The following SLC4A4 variants were observed in gnomAD, a reference collection of about 807,000 sequenced individuals.
The protein encoded by SLC4A4 is solute carrier family 4 member 4, also known as electrogenic sodium bicarbonate cotransporter 1.
SLC4A4 carries 27 observed loss-of-function variants against 111.5 expected under a neutral mutation model. That is an observed-to-expected ratio of 0.24 (90% CI 0.18 to 0.33). SLC4A4 has a LOEUF of 0.33. Ranked by LOEUF, SLC4A4 falls within the 10% of genes least tolerant of loss-of-function variation. SLC4A4 has a pLI of 1.00. For missense variants in SLC4A4, 909 were observed against 1,315.5 expected (o/e 0.69, Z 4.78); for synonymous variants, 443 against 463.4 (o/e 0.96, Z 0.57).
chr4:71,243,611 T>C (rs1285333432), intron 2 of SLC4A4, among the ~76,000 whole-genome samples: 2 of 152,084 alleles, frequency 1.3e-5, no homozygotes, highest in Non-Finnish European at 2.9e-5. Context: ...TCACGGGAGG[T>C]TCCAACATTC....
At chr4:71,478,421 T>C (rs1578000391) in intron 14 of SLC4A4, among the ~76,000 whole-genome samples, 1 of 151,956 alleles carries the variant, frequency 6.6e-6, no homozygotes, top group Non-Finnish European at 1.5e-5. Flanking sequence ...TGGAATACTA[T>C]GCAGCCATAA....
chr4:71,322,223 T>C (rs891788456), intron 3 of SLC4A4, among the ~76,000 whole-genome samples: 1 of 151,958 alleles, frequency 6.6e-6, no homozygotes, highest in African/African-American at 2.4e-5. Context: ...TTAAAAGAAA[T>C]TGTATTTTTA....
rs187727460 is a variant in SLC4A4 at position 71,448,400 on chromosome 4, G to A, written c.1053+667G>A. Among the ~76,000 whole-genome samples, 29 of 151,652 alleles carry A rather than the reference G, an allele frequency of 1.9e-4. No individual in the cohort carries two copies. In the East Asian group the frequency reaches 5.4e-3, roughly 28 times the overall value. ...TTGAAGTTTTAATACACTAATTCTG[G>A]GAATTCAAATGTCTATATTCTATAT... On this transcript the variant is annotated intron_variant, in intron 9 of 25. Transcript: ENST00000264485.
intron 7 of SLC4A4, among the ~76,000 whole-genome samples, chr4:71,425,583 C>T (rs970905561): frequency 6.6e-5 from 10 of 152,048 alleles, no homozygotes; most frequent in African/African-American, 1.7e-4. Flanking sequence ...GCAAGGTGGT[C>T]GGCTACAGCT....
chr4:71,398,745 A>T (rs1720077321), intron 7 of SLC4A4, among the ~76,000 whole-genome samples: 1 of 152,230 alleles, frequency 6.6e-6, no homozygotes, highest in African/African-American at 2.4e-5. Flanking sequence ...TAGTTGTGTG[A>T]TGATGGACAC....
intron 2 of SLC4A4, among the ~76,000 whole-genome samples, chr4:71,155,551 C>A (rs571176538): frequency 6.6e-6 from 1 of 152,134 alleles, no homozygotes; most frequent in Non-Finnish European, 1.5e-5. Flanking sequence ...CAGCCTTGAA[C>A]TCCTGGGTTC....
At chr4:71,190,428 AC>A (rs1745679092) in intron 1 of SLC4A4, among the ~76,000 whole-genome samples, 3 of 138,264 alleles carry the variant, frequency 2.2e-5, no homozygotes, top group South Asian at 4.8e-4. Flanking sequence ...ACACACACAC[AC>A]AGACACAACT....
chr4:71,507,501 A>G (rs1731525649), intron 16 of SLC4A4, among the ~76,000 whole-genome samples: 1 of 152,176 alleles, frequency 6.6e-6, no homozygotes, highest in Non-Finnish European at 1.5e-5. Context: ...GACAAAAGGT[A>G]TTACATAATG....
chr4:71,565,924 G>A (rs1269062465), intron 24 of SLC4A4, among the ~76,000 whole-genome samples: 1 of 151,814 alleles, frequency 6.6e-6, no homozygotes, highest in Non-Finnish European at 1.5e-5. Flanking sequence ...TGATAAAAGA[G>A]AAAGAAACCA....
chr4:71,246,864 G>T (rs1368130534), intron 2 of SLC4A4, among the ~76,000 whole-genome samples: 1 of 152,152 alleles, frequency 6.6e-6, no homozygotes, highest in Non-Finnish European at 1.5e-5. Context: ...GTCTCTATAC[G>T]TCATTAATTG....
chr4:71,518,067 G>T (rs1307972866), intron 16 of SLC4A4, among the ~76,000 whole-genome samples: 2 of 152,200 alleles, frequency 1.3e-5, no homozygotes, highest in Non-Finnish European at 1.5e-5. Context: ...GTGTCTACTA[G>T]AGCCTGGCTC....
Position 71,567,038 on chromosome 4 carries a change from A to G in SLC4A4, c.3231A>G (p.Thr1077=). The change falls in exon 25 of 26, where the codon ACA becomes ACG. Residue 1077 remains threonine (T), a synonymous_variant. Coordinates refer to ENST00000264485, the MANE Select transcript of SLC4A4 (RefSeq NM_001098484.3). ...CACCAACATTCCTTGAACGCCACAC[A>G]TCATGCTGATAAAATTCCTTTCCTT... ...ERSPTFLERH[T]SC 6.2e-7 allele frequency: 1 copy of G among 1,610,372 alleles called. No homozygotes were observed. The highest frequency in any genetic ancestry group is 8.5e-7 in the Non-Finnish European group (1 of 1,177,632).
chr4:71,548,120 C>T (rs1031417076), intron 20 of SLC4A4, among the ~76,000 whole-genome samples: 1 of 151,846 alleles, frequency 6.6e-6, no homozygotes, highest in Non-Finnish European at 1.5e-5. Context: ...TCTTGTCCCT[C>T]TTCCCTCATT....
At chr4:71,505,645 GT>G (rs1560570102) in intron 16 of SLC4A4, among the ~76,000 whole-genome samples, 5 of 152,058 alleles carry the variant, frequency 3.3e-5, no homozygotes, top group African/African-American at 1.2e-4. Flanking sequence ...TAGGTTGTCT[GT>G]TTACAATGAT....
At chr4:71,540,848 A>G (rs756427331) in intron 18 of SLC4A4, among the ~76,000 whole-genome samples, 122 of 152,178 alleles carry the variant, frequency 8.0e-4, no homozygotes, top group Non-Finnish European at 8.7e-4. Context: ...GGAGGGAAGG[A>G]GCTTGGTATA....
intron 3 of SLC4A4, among the ~76,000 whole-genome samples, chr4:71,330,818 T>A (rs1360335378): frequency 1.3e-5 from 2 of 151,386 alleles, no homozygotes; most frequent in Non-Finnish European, 2.9e-5. Context: ...TGGGAGAAAA[T>A]TTTTGCAATC....
intron 3 of SLC4A4, among the ~76,000 whole-genome samples, chr4:71,327,988 AC>A (rs1727638673): frequency 6.6e-6 from 1 of 151,804 alleles, no homozygotes; most frequent in South Asian, 2.1e-4. Context: ...CCCACCAACT[AC>A]CCTTTTTAGT....
intron 1 of SLC4A4, among the ~76,000 whole-genome samples, chr4:71,201,464 C>T (rs1746247427): frequency 6.6e-6 from 1 of 152,180 alleles, no homozygotes; most frequent in African/African-American, 2.4e-5. Flanking sequence ...CTCTGTTCTG[C>T]AGGGGAGATC....
At chr4:71,375,948 C>A (rs1175473906) in intron 6 of SLC4A4, among the ~76,000 whole-genome samples, 1 of 151,532 alleles carries the variant, frequency 6.6e-6, no homozygotes, top group Non-Finnish European at 1.5e-5. Context: ...AAAGTAGGAA[C>A]TGAAGAGCCC....
Sources: gnomAD v4.1 joint callset for allele counts (sites outside exome capture counted in the v4.1 genomes callset) on GRCh38, gnomAD v4.1.1 for gene constraint, MANE v1.5 for transcripts, NCBI Gene and HGNC (gene_info 2026-07-23, HGNC 2026-07-21) for gene names.